Variants in DLGAP2 observed in about 807,000 individuals in gnomAD.
DLGAP2 encodes disks large-associated protein 2.
DLGAP2 carries 26 observed loss-of-function variants against 100.3 expected under a neutral mutation model. The observed-to-expected ratio is 0.26, with a 90% confidence interval of 0.19 to 0.36. The LOEUF is 0.36. Among genes scored for constraint, DLGAP2 ranks in the 10% least tolerant of loss-of-function variants. The probability of loss-of-function intolerance (pLI) is 1.00; values close to 1 mark genes in which losing one functional copy is unlikely to be tolerated. For missense variants in DLGAP2, 1,858 were observed against 1,453.2 expected, an observed-to-expected ratio of 1.28 and a Z score of -4.53; for synonymous variants, 886 against 630.1, an observed-to-expected ratio of 1.41 and a Z score of -6.08.
chr8:1,473,136 G>A (rs1014885206), intron 3 of DLGAP2, among the ~76,000 whole-genome samples: 2 of 152,176 alleles, frequency 1.3e-5, no homozygotes, highest in Non-Finnish European at 2.9e-5. Flanking sequence ...TCACCATGTT[G>A]GCCAGGCTGG....
intron 3 of DLGAP2, among the ~76,000 whole-genome samples, chr8:1,415,250 T>A (rs1796849062): frequency 6.6e-6 from 1 of 152,226 alleles, no homozygotes; most frequent in Admixed American, 6.5e-5. Context: ...TACAAAACTT[T>A]CACTTTTAAT....
At chr8:1,010,613 T>G (rs959382278) in intron 2 of DLGAP2, among the ~76,000 whole-genome samples, 1 of 152,238 alleles carries the variant, frequency 6.6e-6, no homozygotes, top group African/African-American at 2.4e-5. Context: ...AAATGGAGCT[T>G]AATGATATAA....
At chr8:1,068,862 G>T (rs900748780) in intron 2 of DLGAP2, among the ~76,000 whole-genome samples, 7 of 152,170 alleles carry the variant, frequency 4.6e-5, no homozygotes, top group Non-Finnish European at 8.8e-5. Flanking sequence ...TTATCAAGAA[G>T]ATGCTTCTAG....
chr8:1,520,786 T>G (rs1290465997), intron 4 of DLGAP2, among the ~76,000 whole-genome samples: 1 of 152,196 alleles, frequency 6.6e-6, no homozygotes, highest in Non-Finnish European at 1.5e-5. Flanking sequence ...ATCTTCCAAG[T>G]TTGGGCAATT....
rs576110313 is a variant in DLGAP2, at chr8:1,411,565, G to T, written c.107-89801G>T. On this transcript the variant is annotated intron_variant, in intron 3 of 14. Transcript: ENST00000637795. The stretch of plus-strand genomic sequence containing the variant: ...CGGTAGAGCCTTGGGCAGATTAAAC[G>T]AGGTAACCGAAATGCGGAACCTGCA... 1.4e-3 allele frequency among the ~76,000 whole-genome samples: 210 copies of T among 152,282 alleles called. 3 individuals carry two copies. In the Middle Eastern group the frequency reaches 0.048, roughly 35 times the overall value.
chr8:1,164,523 A>C (rs530230926), intron 2 of DLGAP2, among the ~76,000 whole-genome samples: 2 of 151,632 alleles, frequency 1.3e-5, no homozygotes, highest in East Asian at 1.9e-4. Flanking sequence ...GCGTGTGGGA[A>C]CTTTCCTCCC....
chr8:1,003,743 G>A (rs1054816983), intron 2 of DLGAP2, among the ~76,000 whole-genome samples: 21 of 152,140 alleles, frequency 1.4e-4, no homozygotes, highest in African/African-American at 4.6e-4. Context: ...TTGTCTGAGC[G>A]CCTGGATTCT....
intron 2 of DLGAP2, among the ~76,000 whole-genome samples, chr8:1,059,866 C>CG (rs1180711766): frequency 6.6e-6 from 1 of 152,072 alleles, no homozygotes. Flanking sequence ...TGCAGAGAGT[C>CG]GGGGGCGGTC....
At chr8:1,021,391 T>G (rs1281249348) in intron 2 of DLGAP2, among the ~76,000 whole-genome samples, 2 of 152,110 alleles carry the variant, frequency 1.3e-5, no homozygotes, top group Non-Finnish European at 2.9e-5. Context: ...GCAGAAACCA[T>G]GAGGGTGGCG....
chr8:1,658,984 C>T (rs1182220486), intron 8 of DLGAP2, among the ~76,000 whole-genome samples: 3 of 152,120 alleles, frequency 2.0e-5, no homozygotes, highest in African/African-American at 4.8e-5. Context: ...GTAAATTTCC[C>T]TCTAAACACT....
At chr8:1,142,584 C>G (rs1796540392) in intron 2 of DLGAP2, among the ~76,000 whole-genome samples, 1 of 152,168 alleles carries the variant, frequency 6.6e-6, no homozygotes, top group African/African-American at 2.4e-5. Context: ...AAGGGCAGGT[C>G]TCAATTCATG....
intron 2 of DLGAP2, among the ~76,000 whole-genome samples, chr8:1,231,679 G>T (rs148915055): frequency 6.6e-6 from 1 of 152,174 alleles, no homozygotes; most frequent in African/African-American, 2.4e-5. Context: ...GTTCTTTGCA[G>T]CAATGTGGAT....
At chr8:1,144,442 T>C (rs908224871) in intron 2 of DLGAP2, among the ~76,000 whole-genome samples, 2 of 152,130 alleles carry the variant, frequency 1.3e-5, no homozygotes, top group African/African-American at 4.8e-5. Flanking sequence ...ACAGTGAGCT[T>C]TCTTGTTTCT....
At chr8:782,658 T>A (rs571326346) in intron 1 of DLGAP2, among the ~76,000 whole-genome samples, 111 of 152,210 alleles carry the variant, frequency 7.3e-4, no homozygotes, top group Non-Finnish European at 1.4e-3. Flanking sequence ...GTCAAGGCAG[T>A]TGAGGGCCCC....
intron 1 of DLGAP2, among the ~76,000 whole-genome samples, chr8:765,814 C>T (rs2132597437): frequency 6.6e-6 from 1 of 152,226 alleles, no homozygotes; most frequent in African/African-American, 2.4e-5. Flanking sequence ...CGCGATGATG[C>T]ACACACAAAT....
At position 1,015,344 on chromosome 8, in the gene DLGAP2, TG is replaced by T. The variant is rs1801431716; in HGVS notation, c.73+107379del. ...GGACAGACGACGCCTCCACTGTGTG[TG>T]ACCAGGACAGACGATGCCTCCACTG... is the stretch of plus-strand genomic sequence containing the variant. On this transcript the variant is annotated intron_variant, in intron 2 of 14. Coordinates refer to ENST00000637795, the MANE Select transcript of DLGAP2 (RefSeq NM_001346810.2). 5.0e-3 allele frequency among the ~76,000 whole-genome samples: 3 copies of T among 600 alleles called. 1 individual carries two copies. Among genetic ancestry groups the T allele is most frequent in the African/African-American group, 0.045 (3 of 66 alleles). 0.4% of individuals were successfully genotyped at this position (600 alleles called of 152,430 possible).
At chr8:1,172,089 A>C (rs927078122) in intron 2 of DLGAP2, among the ~76,000 whole-genome samples, 13 of 151,580 alleles carry the variant, frequency 8.6e-5, no homozygotes, top group African/African-American at 3.1e-4. Context: ...GTGGTGACAA[A>C]ATCTCTCAGC....
At chr8:852,921 T>C (rs2128988022) in intron 1 of DLGAP2, among the ~76,000 whole-genome samples, 1 of 152,350 alleles carries the variant, frequency 6.6e-6, no homozygotes, top group Middle Eastern at 3.4e-3. Flanking sequence ...CAGATTTTGG[T>C]AAAACTGGCT....
chr8:834,650 C>G (rs148257433), intron 1 of DLGAP2, among the ~76,000 whole-genome samples: 82 of 152,230 alleles, frequency 5.4e-4, no homozygotes, highest in African/African-American at 1.9e-3. Context: ...CTGGGAAATG[C>G]AGTCCTGGAC....
Sources: allele counts gnomAD v4.1 joint callset (sites outside exome capture counted in the v4.1 genomes callset), GRCh38; gene constraint gnomAD v4.1.1; transcripts MANE v1.5; gene names NCBI Gene and HGNC (gene_info 2026-07-23, HGNC 2026-07-21).